ODF2L: variants seen among roughly 807,000 people sequenced by gnomAD.
ODF2L encodes the protein protein BCAP.
Under a neutral mutation model 86.3 loss-of-function variants are expected in ODF2L, and 76 were observed. The observed-to-expected ratio is 0.88, with a 90% CI of 0.73 to 1.07. The LOEUF (loss-of-function observed/expected upper bound fraction) is 1.07. ODF2L is among the 50% of genes least tolerant of loss of function. The pLI is 0.00. For synonymous variants in ODF2L, 241 were observed against 231.3 expected (o/e 1.04, Z -0.38); for missense variants, 748 against 717.4 (o/e 1.04, Z -0.49).
exon 18 of ODF2L, chr1:86,352,081 T>C (rs930166530): frequency 7.2e-7 from 1 of 1,386,954 alleles, no homozygotes; most frequent in Admixed American, 3.4e-5. Flanking sequence ...TAAGTTGTCA[T>C]GAAACTTTTG....
chr1:86,389,099 T>G (rs1570439011), intron 1 of ODF2L, among the ~76,000 whole-genome samples: 2 of 152,308 alleles, frequency 1.3e-5, no homozygotes, highest in African/African-American at 4.8e-5. Flanking sequence ...ATGTAATAAT[T>G]TTATTTAGCA....
chr1:86,378,921 C>A (rs1186252441), intron 7 of ODF2L, among the ~76,000 whole-genome samples: 3 of 151,998 alleles, frequency 2.0e-5, no homozygotes, highest in African/African-American at 7.2e-5. Context: ...GGAGCTGGGG[C>A]CTGGTGGGAG....
intron 16 of ODF2L, among the ~76,000 whole-genome samples, 162 bp downstream of exon 15, chr1:86,354,368 A>T (rs1658374002): frequency 6.6e-6 from 1 of 152,200 alleles, no homozygotes; most frequent in African/African-American, 2.4e-5. Flanking sequence ...CTAGCAATGT[A>T]TCTGTTTTGC....
intron 14 of ODF2L, 106 bp from the exon 14 acceptor site, chr1:86,354,965 A>C (rs988514339): frequency 1.5e-5 from 10 of 648,586 alleles, no homozygotes; most frequent in Non-Finnish European, 2.4e-5. Context: ...AGAAGGTATA[A>C]ATGTTACTAC....
intron 11 of ODF2L, among the ~76,000 whole-genome samples, chr1:86,362,447 C>A (rs1385411935): frequency 1.3e-5 from 2 of 151,888 alleles, no homozygotes; most frequent in African/African-American, 4.8e-5. Context: ...CACCACCACA[C>A]CTGGCTAATT....
At chr1:86,389,358 C>A (rs544084060) in intron 1 of ODF2L, among the ~76,000 whole-genome samples, 17 of 152,120 alleles carry the variant, frequency 1.1e-4, no homozygotes, top group African/African-American at 4.1e-4. Flanking sequence ...AAGAGTGACA[C>A]TATCTATCAA....
At chr1:86,365,048 T>A (rs1476389739) in intron 11 of ODF2L, among the ~76,000 whole-genome samples, 1 of 152,208 alleles carries the variant, frequency 6.6e-6, no homozygotes, top group Non-Finnish European at 1.5e-5. Flanking sequence ...ATCAAATTTC[T>A]AATTATAAAA....
chr1:86,350,098 ATCTT>A (rs1263508850), exon 18 of ODF2L: 2 of 359,202 alleles, frequency 5.6e-6, no homozygotes, highest in African/African-American at 4.4e-5. Flanking sequence ...AAAACATCAG[ATCTT>A]TATTTTTTTT....
chr1:86,363,351 G>A (rs1029275997), intron 11 of ODF2L, among the ~76,000 whole-genome samples: 1 of 152,078 alleles, frequency 6.6e-6, no homozygotes, highest in African/African-American at 2.4e-5. Flanking sequence ...TAGATTAGAG[G>A]TATAAATTTG....
chr1:86,380,578 C>G lies in ODF2L; in HGVS notation c.624+1664G>C, dbSNP rs528558330. 1.6e-4 allele frequency among the ~76,000 whole-genome samples: 24 copies of G among 152,216 alleles called. No homozygotes were observed. In the South Asian group the frequency reaches 5.0e-3, roughly 32 times the overall value. On this transcript the variant is annotated intron_variant, in intron 7 of 17. Coordinates refer to ENST00000317336, the Ensembl canonical transcript of ODF2L. ...GACACGATCTTCTCACCAGATTTAT[C>G]AAATCCCACACTTATACACTATCAA...
At chr1:86,365,720 T>A (rs1026529714) in intron 11 of ODF2L, among the ~76,000 whole-genome samples, 9 of 152,304 alleles carry the variant, frequency 5.9e-5, no homozygotes, top group Admixed American at 1.3e-4. Context: ...TCTGGAAAAC[T>A]GATGACTGAC....
chr1:86,365,559 A>C (rs1659345572), intron 11 of ODF2L, among the ~76,000 whole-genome samples: 1 of 152,224 alleles, frequency 6.6e-6, no homozygotes, highest in African/African-American at 2.4e-5. Context: ...AGAATTTCCT[A>C]GGTTTAACTT....
chr1:86,382,946 CA>C lies in ODF2L; in HGVS notation c.491del (p.Leu164CysfsTer10). 1 of 1,558,912 alleles carries C rather than the reference CA, an allele frequency of 6.4e-7. No individual in the cohort carries two copies. Among genetic ancestry groups the C allele is most frequent in the Non-Finnish European group, 8.8e-7 (1 of 1,131,662 alleles). ...TTTTGCTTACCTTTTCACTCTGAAA[CA>C]AACAAGAAAGTTCTTGGATATGGGC... On this transcript the variant is annotated frameshift_variant, in exon 6 of 18. Transcript: ENST00000317336. LOFTEE classifies it high-confidence loss of function.
At position 86,358,841 on chromosome 1, in the gene ODF2L, AT is replaced by A. The variant is rs1464147236; in HGVS notation, c.1304del (p.Asn435IlefsTer9). On this transcript the variant is annotated frameshift_variant, in exon 13 of 18. Transcript: ENST00000317336. LOFTEE classifies it high-confidence loss of function. The stretch of plus-strand genomic sequence containing the variant: ...TTATTTGGTTATTTTTATGTAGCAA[AT>A]TTTCACATCTGCTTTTTACTATTTC... The A allele has an allele frequency of 6.4e-7, 1 of 1,550,636 alleles. No individual in the cohort carries two copies. Among genetic ancestry groups the A allele is most frequent in the Non-Finnish European group, 8.7e-7 (1 of 1,146,790 alleles).
intron 12 of ODF2L, 124 bp downstream of exon 11, chr1:86,360,302 A>C: frequency 1.8e-6 from 1 of 552,136 alleles, no homozygotes; most frequent in Non-Finnish European, 3.2e-6. Flanking sequence ...TTTGAGACAC[A>C]CCATATTATA....
Position 86,354,585 on chromosome 1 carries a change from TC to T in ODF2L, c.1711del (p.Glu571SerfsTer13), listed in dbSNP as rs1415146023. On this transcript the variant is annotated frameshift_variant, in exon 16 of 18. Coordinates refer to ENST00000317336, the Ensembl canonical transcript of ODF2L. LOFTEE classifies it high-confidence loss of function. Reference sequence around the variant, plus strand: ...CAGTTGTCTGGCCAATGCTGTATACTCTGCAGATTTCTCTTTAAACTTAAGA... The same window carrying T: ...CAGTTGTCTGGCCAATGCTGTATACTTGCAGATTTCTCTTTAAACTTAAGA... The T allele has an allele frequency of 6.2e-7, 1 of 1,608,298 alleles. No homozygotes were observed. The highest frequency in any genetic ancestry group is 1.7e-5 in the Admixed American group (1 of 60,008).
chr1:86,349,112 C>T (rs1657959270), downstream of ODF2L: 1 of 240,654 alleles, frequency 4.2e-6, no homozygotes, highest in African/African-American at 2.2e-5. Context: ...TCATTTAGCC[C>T]CAAATTATTA....
chr1:86,372,957 G>A (rs1488258380), intron 8 of ODF2L, among the ~76,000 whole-genome samples: 8 of 152,188 alleles, frequency 5.3e-5, no homozygotes, highest in African/African-American at 1.9e-4. Flanking sequence ...AGGACTTTAG[G>A]AACTAGGGAG....
At chr1:86,354,752 T>C in intron 15 of ODF2L, 22 bp downstream of exon 14, 1 of 1,539,328 alleles carries the variant, frequency 6.5e-7, no homozygotes, top group Non-Finnish European at 9.0e-7. Context: ...GCAGCAGCAA[T>C]GTTAAGTAAT....
Sources: allele counts gnomAD v4.1 joint callset (sites outside exome capture counted in the v4.1 genomes callset), GRCh38; gene constraint gnomAD v4.1.1; transcripts MANE v1.5; gene names NCBI Gene and HGNC (gene_info 2026-07-23, HGNC 2026-07-21).